Variants in CAMTA1 observed in about 807,000 individuals in gnomAD.
CAMTA1 encodes calmodulin-binding transcription activator 1.
A neutral mutation model predicts 170.9 loss-of-function variants in CAMTA1; 27 were observed. The ratio of observed to expected loss-of-function variants is 0.16; its 90% CI spans 0.12 to 0.22. CAMTA1 has a LOEUF of 0.22. CAMTA1 is among the 10% of genes least tolerant of loss of function. The probability of loss-of-function intolerance (pLI) is 1.00; values close to 1 mark genes in which losing one functional copy is unlikely to be tolerated. For synonymous variants in CAMTA1, 833 were observed against 891.5 expected (o/e 0.93, Z 1.17); for missense variants, 1,619 against 2,217.2 (o/e 0.73, Z 5.42).
chr1:7,742,184 G>A (rs72853876), intron 16 of CAMTA1, among the ~76,000 whole-genome samples: 2,228 of 151,720 alleles, frequency 0.015, 54 homozygotes, highest in African/African-American at 0.052. Flanking sequence ...ATAAACTATT[G>A]TGTACCTAGC....
At chr1:7,446,513 G>A (rs904793662) in intron 5 of CAMTA1, among the ~76,000 whole-genome samples, 2 of 152,178 alleles carry the variant, frequency 1.3e-5, no homozygotes, top group African/African-American at 2.4e-5. Context: ...GGGAACACAC[G>A]CCTGGCCACC....
chr1:6,794,893 T>G lies in CAMTA1; in HGVS notation c.45+9318T>G, dbSNP rs552976822. On this transcript the variant is annotated intron_variant, in intron 1 of 22. Coordinates refer to ENST00000303635, the MANE Select transcript of CAMTA1 (RefSeq NM_015215.4). ...ATTAGATAAAGGCTTTTTTTTTGTT[T>G]TTTTTGTTTTTTTGTTTTTTTGTTT... 6.0e-4 allele frequency among the ~76,000 whole-genome samples: 90 copies of G among 150,368 alleles called. 2 individuals are homozygous for G. Among genetic ancestry groups the G allele is most frequent in the Middle Eastern group, 3.4e-3 (1 of 290 alleles).
chr1:7,540,666 T>C (rs1232510771), intron 6 of CAMTA1, among the ~76,000 whole-genome samples: 1 of 152,058 alleles, frequency 6.6e-6, no homozygotes, highest in African/African-American at 2.4e-5. Context: ...AACCTGGACG[T>C]ATGGGCCTAA....
intron 3 of CAMTA1, among the ~76,000 whole-genome samples, chr1:7,055,486 A>G (rs1192445031): frequency 1.3e-5 from 2 of 152,308 alleles, no homozygotes; most frequent in Non-Finnish European, 1.5e-5. Flanking sequence ...AAGAACACAC[A>G]AAAGAGACTC....
intron 11 of CAMTA1, among the ~76,000 whole-genome samples, chr1:7,723,717 CCTAAAAACCCAGAACCCAGT>C (rs2096664191): frequency 6.6e-6 from 1 of 152,128 alleles, no homozygotes. Context: ...TGATACTCTT[CCTAAAAACCCAGAACCCAGT>C]CTAAGGGTTA....
intron 3 of CAMTA1, among the ~76,000 whole-genome samples, chr1:7,072,433 CCATTCATTTCTT>C (rs1303815509): frequency 6.6e-6 from 1 of 152,184 alleles, no homozygotes; most frequent in Admixed American, 6.5e-5. Flanking sequence ...ATTCATTTAT[CCATTCATTTCTT>C]CATTCAATAT....
chr1:7,613,296 T>C (rs2095536148), intron 6 of CAMTA1, among the ~76,000 whole-genome samples: 1 of 152,132 alleles, frequency 6.6e-6, no homozygotes, highest in African/African-American at 2.4e-5. Context: ...CTGCTTACGT[T>C]TTCAAGCCCA....
intron 5 of CAMTA1, among the ~76,000 whole-genome samples, chr1:7,287,648 C>G (rs1672538677): frequency 6.6e-6 from 1 of 152,110 alleles, no homozygotes; most frequent in African/African-American, 2.4e-5. Flanking sequence ...TAGGTTAGGC[C>G]ACGTGCTGGT....
In CAMTA1 at chr1:7,736,581, A is replaced by G. The variant is rs2071985; in HGVS notation, c.3263+41A>G. 824,380 of 1,582,148 alleles carry G rather than the reference A, an allele frequency of 0.52. 216,532 individuals are homozygous for G. The highest frequency in any genetic ancestry group is 0.67 in the Admixed American group (40,203 of 59,834). On this transcript the variant is annotated intron_variant, in intron 13 of 22. Coordinates refer to ENST00000303635, the MANE Select transcript of CAMTA1 (RefSeq NM_015215.4). The surrounding 1 kb of genome is among the most constrained non-coding windows in gnomAD (Gnocchi z 4.5). Reference sequence around the variant, plus strand: ...AGCTGGCTGGGGGTCAGCCTCGCACATCCTCGCTCACATTCTTCCTGAGCA... The same window carrying G: ...AGCTGGCTGGGGGTCAGCCTCGCACGTCCTCGCTCACATTCTTCCTGAGCA...
At chr1:7,737,615 C>T (rs776569256) in intron 15 of CAMTA1, 45 bp downstream of exon 15, 5 of 1,530,252 alleles carry the variant, frequency 3.3e-6, no homozygotes, top group Non-Finnish European at 3.5e-6. Flanking sequence ...ACAGAGATCC[C>T]GTTTGCTTTC....
At chr1:6,847,690 C>T (rs949577889) in intron 3 of CAMTA1, among the ~76,000 whole-genome samples, 1 of 151,142 alleles carries the variant, frequency 6.6e-6, no homozygotes. Context: ...CAGGCATGCA[C>T]TGCCACCCCC....
intron 3 of CAMTA1, among the ~76,000 whole-genome samples, chr1:6,904,179 A>G (rs1677752927): frequency 6.6e-6 from 1 of 152,124 alleles, no homozygotes; most frequent in South Asian, 2.1e-4. Context: ...CATTCCATTC[A>G]ATAGGCACTT....
chr1:7,525,495 A>G (rs767447866), intron 6 of CAMTA1, among the ~76,000 whole-genome samples: 39 of 152,124 alleles, frequency 2.6e-4, no homozygotes, highest in Middle Eastern at 6.8e-3. Context: ...AATCTCTTCA[A>G]TAATATTATT....
At chr1:6,899,144 A>G (rs1364030622) in intron 3 of CAMTA1, among the ~76,000 whole-genome samples, 1 of 152,160 alleles carries the variant, frequency 6.6e-6, no homozygotes, top group Non-Finnish European at 1.5e-5. Context: ...CCCATCTTTG[A>G]TGCACTGTGG....
At chr1:7,018,171 G>T (rs1453228159) in intron 3 of CAMTA1, among the ~76,000 whole-genome samples, 1 of 116,850 alleles carries the variant, frequency 8.6e-6, no homozygotes, top group South Asian at 2.5e-4. Flanking sequence ...AGTCTCCTTT[G>T]TGGAGGTTCA....
rs182111165 is a variant in CAMTA1, at chr1:7,650,751, A to C, written c.664+10198A>C. Among the ~76,000 whole-genome samples, 3 of 152,314 alleles carry C rather than the reference A, an allele frequency of 2.0e-5. No homozygotes were observed. In the East Asian group the frequency reaches 5.8e-4, roughly 29 times the overall value. ...GATTTCTGAAAATTTTGTCCTCAGG[A>C]CCAATAGGCGAATGAGAGTTGAGTG... On this transcript the variant is annotated intron_variant, in intron 7 of 22. Transcript: ENST00000303635.
chr1:7,533,347 C>G (rs2094513284), intron 6 of CAMTA1, among the ~76,000 whole-genome samples: 1 of 152,196 alleles, frequency 6.6e-6, no homozygotes, highest in African/African-American at 2.4e-5. Context: ...CTGCCCTGCC[C>G]TCAAACTAAG....
intron 3 of CAMTA1, among the ~76,000 whole-genome samples, chr1:7,003,037 A>G (rs1307534134): frequency 6.6e-6 from 1 of 152,220 alleles, no homozygotes; most frequent in Non-Finnish European, 1.5e-5. Flanking sequence ...CACTATTCAC[A>G]TTCTGGTCTG....
At chr1:6,786,276 G>A (rs1639318926) in intron 1 of CAMTA1, among the ~76,000 whole-genome samples, 1 of 151,688 alleles carries the variant, frequency 6.6e-6, no homozygotes. Context: ...AGGGAAGGGG[G>A]CCTGCGCAGC....
Sources: allele counts gnomAD v4.1 joint callset (sites outside exome capture counted in the v4.1 genomes callset), GRCh38; gene constraint gnomAD v4.1.1; non-coding constraint Gnocchi (gnomAD v3.1); transcripts MANE v1.5; gene names NCBI Gene and HGNC (gene_info 2026-07-23, HGNC 2026-07-21).